FIGN: variants seen among roughly 807,000 people sequenced by gnomAD.
FIGN encodes fidgetin, microtubule severing factor.
A neutral mutation model predicts 51.3 loss-of-function variants in FIGN; 11 were observed. The observed-to-expected ratio is 0.21, with a 90% CI of 0.13 to 0.35. The LOEUF (loss-of-function observed/expected upper bound fraction) is 0.35. FIGN is among the 10% of genes least tolerant of loss of function. FIGN has a pLI of 1.00. For missense variants in FIGN, 857 were observed against 943.6 expected, an observed-to-expected ratio of 0.91 and a Z score of 1.20; for synonymous variants, 407 against 363.2, an observed-to-expected ratio of 1.12 and a Z score of -1.37.
At chr2:163,674,834 T>C (rs1389733994) in intron 2 of FIGN, among the ~76,000 whole-genome samples, 1 of 152,000 alleles carries the variant, frequency 6.6e-6, no homozygotes, top group African/African-American at 2.4e-5. Context: ...AAAAAAATAG[T>C]AAGAGTTCAA....
At chr2:163,688,868 C>T (rs966112796) in intron 2 of FIGN, among the ~76,000 whole-genome samples, 1 of 152,040 alleles carries the variant, frequency 6.6e-6, no homozygotes, top group African/African-American at 2.4e-5. Context: ...AATAGCACAT[C>T]GGATAATATA....
intron 2 of FIGN, among the ~76,000 whole-genome samples, chr2:163,703,529 T>C (rs1397437096): frequency 2.0e-5 from 3 of 152,164 alleles, no homozygotes; most frequent in Non-Finnish European, 2.9e-5. Flanking sequence ...AAGTGCTACA[T>C]AGAAAGAATT....
At chr2:163,617,231 C>G in intron 2 of FIGN, 1 of 984,630 alleles carries the variant, frequency 1.0e-6, no homozygotes. Flanking sequence ...ACTGAAATTA[C>G]GTATCATTTT....
chr2:163,734,878 G>C (rs1183640432), intron 2 of FIGN, 25 bp downstream of exon 2: 1 of 1,597,376 alleles, frequency 6.3e-7, no homozygotes, highest in South Asian at 1.1e-5. Flanking sequence ...AGATGCAAAG[G>C]AAGTAAATTC....
chr2:163,734,386 C>T (rs1684981217), intron 2 of FIGN, among the ~76,000 whole-genome samples: 1 of 151,412 alleles, frequency 6.6e-6, no homozygotes, highest in African/African-American at 2.4e-5. Context: ...GATTACTCCA[C>T]AAAGTGCAAA....
intron 2 of FIGN, among the ~76,000 whole-genome samples, chr2:163,704,370 T>A (rs73017740): frequency 6.6e-6 from 1 of 152,138 alleles, no homozygotes; most frequent in Admixed American, 6.6e-5. Flanking sequence ...TCTGTGGTGA[T>A]GATGACACGT....
chr2:163,628,641 GA>G (rs1414304311), intron 2 of FIGN, among the ~76,000 whole-genome samples: 2 of 152,002 alleles, frequency 1.3e-5, no homozygotes, highest in African/African-American at 4.8e-5. Flanking sequence ...CAAGAGGAAG[GA>G]AAAAACTCCA....
chr2:163,716,083 G>A (rs983086799), intron 2 of FIGN, among the ~76,000 whole-genome samples: 5 of 152,132 alleles, frequency 3.3e-5, no homozygotes, highest in Admixed American at 1.3e-4. Context: ...GATGGTGAAC[G>A]AAACCACTTA....
chr2:163,689,566 T>G (rs903227225), intron 2 of FIGN, among the ~76,000 whole-genome samples: 1 of 152,164 alleles, frequency 6.6e-6, no homozygotes, highest in African/African-American at 2.4e-5. Context: ...AACCTTTTAT[T>G]TAAAAACAGT....
At chr2:163,613,503 G>A (rs750586336) in intron 2 of FIGN, among the ~76,000 whole-genome samples, 8 of 152,132 alleles carry the variant, frequency 5.3e-5, no homozygotes, top group Non-Finnish European at 1.0e-4. Context: ...GACTTACTGC[G>A]ATAAACTGAA....
intron 2 of FIGN, among the ~76,000 whole-genome samples, chr2:163,715,804 G>A (rs1224179289): frequency 2.0e-5 from 3 of 152,166 alleles, no homozygotes; most frequent in Non-Finnish European, 4.4e-5. Flanking sequence ...ATAGGCTAAG[G>A]CTGGGTATGA....
chr2:163,667,982 G>T (rs1432664717), intron 2 of FIGN, among the ~76,000 whole-genome samples: 1 of 147,418 alleles, frequency 6.8e-6, no homozygotes, highest in African/African-American at 2.6e-5. Flanking sequence ...ATGTCTCACA[G>T]AGTTCAAGGA....
rs548647272 is a variant in FIGN, at chr2:163,684,939, ATTTTT to A, written c.25+49959_25+49963del. 4.4e-4 allele frequency among the ~76,000 whole-genome samples: 53 copies of A among 119,448 alleles called. No homozygotes were observed. In the East Asian group the frequency reaches 7.8e-3, roughly 18 times the overall value. 78.4% of individuals were successfully genotyped at this position (119,448 alleles called of 152,430 possible). On this transcript the variant is annotated intron_variant, in intron 2 of 2. Transcript: ENST00000333129. ...AAGGCGGGAGCCACCATGCCTGGCT[ATTTTT>A]TTTTTTTTTTTTTTGTATTTTTAGT...
chr2:163,708,599 G>A (rs964544707), intron 2 of FIGN, among the ~76,000 whole-genome samples: 3 of 152,158 alleles, frequency 2.0e-5, no homozygotes, highest in Non-Finnish European at 4.4e-5. Flanking sequence ...CTTCCAACTG[G>A]CATGTCAGTA....
intron 2 of FIGN, among the ~76,000 whole-genome samples, chr2:163,622,240 C>T (rs1682985152): frequency 6.6e-6 from 1 of 152,002 alleles, no homozygotes; most frequent in South Asian, 2.1e-4. Context: ...GACGCTGAGG[C>T]ACAAGAATAG....
intron 2 of FIGN, among the ~76,000 whole-genome samples, chr2:163,653,994 C>T (rs1330338755): frequency 1.3e-5 from 2 of 151,982 alleles, no homozygotes; most frequent in Non-Finnish European, 2.9e-5. Flanking sequence ...TGGAGCAAAG[C>T]GCTAATATGA....
At chr2:163,684,107 T>C (rs1393061396) in intron 2 of FIGN, among the ~76,000 whole-genome samples, 1 of 152,156 alleles carries the variant, frequency 6.6e-6, no homozygotes, top group Non-Finnish European at 1.5e-5. Flanking sequence ...TTCAAGAGTT[T>C]TTCTTTATCA....
intron 2 of FIGN, among the ~76,000 whole-genome samples, chr2:163,675,094 T>G (rs1239021143): frequency 1.3e-5 from 2 of 152,242 alleles, no homozygotes; most frequent in East Asian, 3.8e-4. Context: ...ATGGATTTTT[T>G]CCATGCCACA....
At chr2:163,633,764 C>T (rs896448432) in intron 2 of FIGN, among the ~76,000 whole-genome samples, 3 of 152,110 alleles carry the variant, frequency 2.0e-5, no homozygotes, top group African/African-American at 4.8e-5. Flanking sequence ...TTTATGACTC[C>T]TAAGTCTCAA....
Sources: gnomAD v4.1 joint callset for allele counts (sites outside exome capture counted in the v4.1 genomes callset) on GRCh38, gnomAD v4.1.1 for gene constraint, MANE v1.5 for transcripts, NCBI Gene and HGNC (gene_info 2026-07-23, HGNC 2026-07-21) for gene names.